Variants in DLEU7 observed in about 807,000 individuals in gnomAD.
DLEU7 encodes the protein deleted in lymphocytic leukemia 7.
In DLEU7, 17 loss-of-function variants were observed where a neutral mutation model predicts 16.0. The observed-to-expected ratio is 1.06, with a 90% CI of 0.73 to 1.59. The LOEUF is 1.59. DLEU7 is among the 40% of genes most tolerant of loss of function. The pLI is 0.00. For missense variants in DLEU7, 308 were observed against 314.9 expected, an observed-to-expected ratio of 0.98 and a Z score of 0.17; for synonymous variants, 113 against 139.8, an observed-to-expected ratio of 0.81 and a Z score of 1.35.
Position 50,843,107 on chromosome 13 carries a change from C to T in DLEU7, c.459+81G>A. ...AGTGTTTGGGATCCTGCGATCCACC[C>T]ATCGCCATCCCAGCAGCCCCACCCT... On this transcript the variant is annotated intron_variant, in intron 1 of 1. Transcript: ENST00000504404. This position sits in a 1 kb window ranked among gnomAD's most constrained non-coding sequence, Gnocchi z 5.7. 2 of 1,328,078 alleles carry T rather than the reference C, an allele frequency of 1.5e-6. No homozygotes were observed. Among genetic ancestry groups the T allele is most frequent in the Non-Finnish European group, 2.0e-6 (2 of 988,974 alleles). The allele number at this position is 1,328,078 out of a possible 1,614,324, so 82.3% of individuals were successfully genotyped here. A position where few individuals can be genotyped will look rare whatever the true frequency, so the allele number is the denominator to read the frequency against.
At chr13:50,754,169 T>C (rs1015324695) in intron 1 of DLEU7, among the ~76,000 whole-genome samples, 1 of 152,252 alleles carries the variant, frequency 6.6e-6, no homozygotes, top group African/African-American at 2.4e-5. Flanking sequence ...TGAAATGTTC[T>C]GTATATATCT....
At chr13:50,711,772 C>CCGGGGAGGG, downstream of DLEU7, 2 of 72,928 alleles carry the variant, frequency 2.7e-5, 1 homozygote, top group African/African-American at 7.8e-5. Context: ...GACCCAGTGG[C>CCGGGGAGGG]GGGGGCGGGG....
At chr13:50,801,693 C>T (rs1043526256) in intron 1 of DLEU7, among the ~76,000 whole-genome samples, 4 of 152,100 alleles carry the variant, frequency 2.6e-5, no homozygotes, top group African/African-American at 9.7e-5. Context: ...TCTGATCCAA[C>T]ATTGAGACCT....
At position 50,716,249 on chromosome 13, in the gene DLEU7, G is replaced by A. The variant is rs1203996897; in HGVS notation, c.460-3009C>T. On this transcript the variant is annotated intron_variant, in intron 1 of 1. Transcript: ENST00000400393. ...GCAATGTGTAGGTTCTGATCACCAA[G>A]GGCTATCTCAAGAGAAGGGCCAAAC... 3.9e-5 allele frequency among the ~76,000 whole-genome samples: 6 copies of A among 152,146 alleles called. No individual in the cohort carries two copies. In the South Asian group the frequency reaches 6.2e-4, roughly 16 times the overall value.
At chr13:50,836,596 C>T (rs1292739060) in intron 1 of DLEU7, among the ~76,000 whole-genome samples, 1 of 151,822 alleles carries the variant, frequency 6.6e-6, no homozygotes, top group East Asian at 1.9e-4. Flanking sequence ...GTGGTGTGAA[C>T]CCAGGAGGCA....
intron 1 of DLEU7, among the ~76,000 whole-genome samples, chr13:50,827,367 C>T (rs1593412570): frequency 1.3e-5 from 2 of 152,092 alleles, no homozygotes; most frequent in East Asian, 3.9e-4. Flanking sequence ...TCAAAATCAG[C>T]AGAGGGAAAA....
At chr13:50,747,332 C>CTGTGTGTGTG (rs3039979) in intron 1 of DLEU7, among the ~76,000 whole-genome samples, 2,587 of 137,692 alleles carry the variant, frequency 0.019, 33 homozygotes, top group East Asian at 0.077. Context: ...AAGAAAAACT[C>CTGTGTGTGTG]TGTGTGTGTG....
intron 1 of DLEU7, among the ~76,000 whole-genome samples, chr13:50,762,602 G>T (rs1874970407): frequency 6.6e-6 from 1 of 151,940 alleles, no homozygotes; most frequent in Non-Finnish European, 1.5e-5. Context: ...AACTTTTATG[G>T]GTGTCAACAC....
rs61964483 is a variant in DLEU7 at position 50,780,025 on chromosome 13, G to A, written c.459+63163C>T. ...AGATTAATGTGTTATCATCTTAAAA[G>A]AGATTGTGAGTTTCTGTGTTAGTAA... On this transcript the variant is annotated intron_variant, in intron 1 of 1. Coordinates refer to the DLEU7 transcript ENST00000400393. Among the ~76,000 whole-genome samples the A allele has an allele frequency of 5.9e-5, 9 of 152,108 alleles. 1 individual carries two copies. The highest frequency in any genetic ancestry group is 2.2e-4 in the African/African-American group (9 of 41,410).
chr13:50,724,273 C>T (rs1873704547), intron 1 of DLEU7, among the ~76,000 whole-genome samples: 1 of 152,144 alleles, frequency 6.6e-6, no homozygotes, highest in African/African-American at 2.4e-5. Context: ...AAATAATGAT[C>T]ACAGGCTGAA....
At chr13:50,779,068 C>A (rs74078409) in intron 1 of DLEU7, among the ~76,000 whole-genome samples, 3,698 of 152,198 alleles carry the variant, frequency 0.024, 128 homozygotes, top group South Asian at 0.09. Context: ...TAACGTGTTC[C>A]TGGGATTGTA....
intron 1 of DLEU7, among the ~76,000 whole-genome samples, chr13:50,730,908 A>G (rs1001492869): frequency 2.0e-5 from 3 of 152,192 alleles, no homozygotes; most frequent in African/African-American, 7.2e-5. Context: ...CTGACTTCCT[A>G]GAACTTAATC....
rs143480309 is a variant in DLEU7, at chr13:50,770,777, C to T, written c.460-57537G>A. On this transcript the variant is annotated intron_variant, in intron 1 of 1. Coordinates refer to the DLEU7 transcript ENST00000400393. ...GCCTGGCTTTGGTATCAGGATGATG[C>T]TGGCCTCATAAAATGAAGGAGGATC... 4.4e-3 allele frequency among the ~76,000 whole-genome samples: 667 copies of T among 152,276 alleles called. 30 individuals are homozygous for T. In the South Asian group the frequency reaches 0.089, roughly 20 times the overall value.
chr13:50,833,889 A>T (rs760238482), intron 1 of DLEU7, among the ~76,000 whole-genome samples: 2 of 152,186 alleles, frequency 1.3e-5, no homozygotes, highest in Non-Finnish European at 2.9e-5. Context: ...AATGCCACAC[A>T]TCTACAACCA....
At chr13:50,714,831 A>G (rs1443346083) in intron 1 of DLEU7, among the ~76,000 whole-genome samples, 1 of 152,216 alleles carries the variant, frequency 6.6e-6, no homozygotes. Context: ...TTGCTGCTGA[A>G]ACAAATTAGC....
At chr13:50,825,503 A>G (rs1344080230) in intron 1 of DLEU7, among the ~76,000 whole-genome samples, 2 of 152,206 alleles carry the variant, frequency 1.3e-5, no homozygotes, top group East Asian at 1.9e-4. Flanking sequence ...AATCATCTCA[A>G]TAATTACTTC....
intron 1 of DLEU7, among the ~76,000 whole-genome samples, chr13:50,797,702 G>T (rs1241504260): frequency 1.3e-5 from 2 of 152,192 alleles, no homozygotes; most frequent in African/African-American, 4.8e-5. Context: ...AAAATGGACA[G>T]AGATGCAGAT....
chr13:50,763,678 C>T (rs1235639331), intron 1 of DLEU7, among the ~76,000 whole-genome samples: 8 of 152,192 alleles, frequency 5.3e-5, no homozygotes, highest in African/African-American at 1.9e-4. Context: ...CCTGCCCTGA[C>T]CCTTTTGACA....
At chr13:50,833,554 T>C (rs1877347147) in intron 1 of DLEU7, among the ~76,000 whole-genome samples, 1 of 152,116 alleles carries the variant, frequency 6.6e-6, no homozygotes, top group Admixed American at 6.5e-5. Flanking sequence ...CATAAAGAAA[T>C]GGAAAAACAT....
Sources: gnomAD v4.1 joint callset for allele counts (sites outside exome capture counted in the v4.1 genomes callset) on GRCh38, gnomAD v4.1.1 for gene constraint, Gnocchi (gnomAD v3.1) non-coding constraint, MANE v1.5 for transcripts, NCBI Gene and HGNC (gene_info 2026-07-23, HGNC 2026-07-21) for gene names.